Variants in GALNTL6 observed in about 807,000 individuals in gnomAD.
GALNTL6 encodes polypeptide N-acetylgalactosaminyltransferase like 6.
GALNTL6 carries 46 observed loss-of-function variants against 73.7 expected under a neutral mutation model. That is an observed-to-expected ratio of 0.62 (90% confidence interval 0.49 to 0.80). GALNTL6 has a LOEUF of 0.80. Among genes scored for constraint, GALNTL6 ranks in the 30% least tolerant of loss-of-function variants. The pLI is 0.00. For synonymous variants in GALNTL6, 259 were observed against 263.7 expected (o/e 0.98, Z 0.17); for missense variants, 604 against 755.0 (o/e 0.80, Z 2.34).
At chr4:172,087,801 T>A (rs1732093427) in intron 2 of GALNTL6, among the ~76,000 whole-genome samples, 1 of 151,888 alleles carries the variant, frequency 6.6e-6, no homozygotes, top group Non-Finnish European at 1.5e-5. Context: ...GCCAGTGAGT[T>A]TTTTTATCGT....
At chr4:173,020,324 T>C (rs28420300) in intron 11 of GALNTL6, among the ~76,000 whole-genome samples, 2,326 of 152,266 alleles carry the variant, frequency 0.015, 60 homozygotes, top group African/African-American at 0.049. Context: ...ATGGATATAA[T>C]AGAATGGTAT....
chr4:172,191,334 C>T (rs1162719034), intron 2 of GALNTL6, among the ~76,000 whole-genome samples: 1 of 152,178 alleles, frequency 6.6e-6, no homozygotes, highest in Non-Finnish European at 1.5e-5. Flanking sequence ...TTTATCATCA[C>T]CTTTCTGTTC....
intron 5 of GALNTL6, among the ~76,000 whole-genome samples, chr4:172,625,453 CT>C (rs1310791873): frequency 6.6e-6 from 1 of 151,926 alleles, no homozygotes; most frequent in Non-Finnish European, 1.5e-5. Context: ...TTCTACGTGT[CT>C]TTGCTATTGT....
intron 5 of GALNTL6, among the ~76,000 whole-genome samples, chr4:172,738,925 A>T (rs926177385): frequency 6.6e-6 from 1 of 152,200 alleles, no homozygotes; most frequent in Admixed American, 6.5e-5. Flanking sequence ...GTAGAAATAA[A>T]TGTCTGGGTT....
At chr4:172,804,867 C>T (rs1740862952) in intron 5 of GALNTL6, among the ~76,000 whole-genome samples, 1 of 152,152 alleles carries the variant, frequency 6.6e-6, no homozygotes, top group Non-Finnish European at 1.5e-5. Context: ...AGAGAAAATG[C>T]CCTTGAGTTT....
chr4:172,845,372 T>C (rs1326573836), intron 7 of GALNTL6, among the ~76,000 whole-genome samples: 1 of 152,088 alleles, frequency 6.6e-6, no homozygotes, highest in Non-Finnish European at 1.5e-5. Flanking sequence ...AACACAGCAT[T>C]TTGTGCACTA....
intron 5 of GALNTL6, among the ~76,000 whole-genome samples, chr4:172,684,479 A>G (rs1195086944): frequency 6.6e-6 from 1 of 152,246 alleles, no homozygotes; most frequent in African/African-American, 2.4e-5. Context: ...AATATTAAGC[A>G]ATAATACAAT....
chr4:172,309,687 ATAT>A (rs1740280110), intron 3 of GALNTL6, among the ~76,000 whole-genome samples: 2 of 152,088 alleles, frequency 1.3e-5, no homozygotes, highest in Admixed American at 6.6e-5. Flanking sequence ...GGAGGCAAAA[ATAT>A]TATTATTTGA....
At chr4:171,882,803 T>A (rs1264073332) in intron 2 of GALNTL6, among the ~76,000 whole-genome samples, 1 of 152,216 alleles carries the variant, frequency 6.6e-6, no homozygotes, top group African/African-American at 2.4e-5. Context: ...AACAATACTT[T>A]GCATCCTTTA....
chr4:172,702,381 G>A (rs968503362), intron 5 of GALNTL6, among the ~76,000 whole-genome samples: 7 of 151,410 alleles, frequency 4.6e-5, no homozygotes, highest in African/African-American at 9.7e-5. Flanking sequence ...CCTATTTTGC[G>A]CTATCTCTCC....
At chr4:172,600,674 T>C (rs1014744383) in intron 5 of GALNTL6, among the ~76,000 whole-genome samples, 4 of 152,024 alleles carry the variant, frequency 2.6e-5, no homozygotes, top group Non-Finnish European at 5.9e-5. Context: ...GACATTTGAG[T>C]TTCCTCAGCT....
intron 2 of GALNTL6, among the ~76,000 whole-genome samples, chr4:171,951,716 A>G (rs1377626733): frequency 6.6e-6 from 1 of 151,806 alleles, no homozygotes; most frequent in East Asian, 1.9e-4. Context: ...ATTAAGTAAG[A>G]AATCTGCGGA....
chr4:171,852,630 G>C (rs1176819025), intron 2 of GALNTL6, among the ~76,000 whole-genome samples: 1 of 151,914 alleles, frequency 6.6e-6, no homozygotes, highest in Admixed American at 6.6e-5. Context: ...TCAATTCTTT[G>C]TACGATAGCT....
intron 2 of GALNTL6, among the ~76,000 whole-genome samples, chr4:171,832,311 ATC>A (rs1734996454): frequency 6.6e-6 from 1 of 151,236 alleles, no homozygotes; most frequent in Non-Finnish European, 1.5e-5. Flanking sequence ...TTTTTTTTGT[ATC>A]TCAAACTTTA....
At chr4:173,024,263 T>A (rs1579796962) in intron 12 of GALNTL6, among the ~76,000 whole-genome samples, 1 of 152,252 alleles carries the variant, frequency 6.6e-6, no homozygotes, top group East Asian at 1.9e-4. Flanking sequence ...GCTGTGGCTC[T>A]CTTCTCAGCT....
At chr4:171,940,870 A>T (rs1314203449) in intron 2 of GALNTL6, among the ~76,000 whole-genome samples, 3 of 145,458 alleles carry the variant, frequency 2.1e-5, no homozygotes, top group Non-Finnish European at 3.1e-5. Context: ...TAAATATATA[A>T]GTCATGTATG....
At chr4:172,943,957 T>G (rs1442436603) in intron 9 of GALNTL6, among the ~76,000 whole-genome samples, 1 of 152,174 alleles carries the variant, frequency 6.6e-6, no homozygotes, top group South Asian at 2.1e-4. Flanking sequence ...TAAATAAACA[T>G]CAATCTGTAT....
rs1049159148 is a variant in GALNTL6, at chr4:172,093,238, G to A, written c.139-136418G>A. On this transcript the variant is annotated intron_variant, in intron 2 of 12. Coordinates refer to ENST00000506823, the MANE Select transcript of GALNTL6 (RefSeq NM_001034845.3). ...ATCTCAGTCAACTTTGACTACACACGATAAGATTTTCATCAACCTTTTATA... is the reference window on the plus strand; with the variant it reads ...ATCTCAGTCAACTTTGACTACACACAATAAGATTTTCATCAACCTTTTATA... Among the ~76,000 whole-genome samples, 7 of 152,048 alleles carry A rather than the reference G, an allele frequency of 4.6e-5. 1 individual carries two copies. The highest frequency in any genetic ancestry group is 6.6e-5 in the Admixed American group (1 of 15,258).
intron 2 of GALNTL6, among the ~76,000 whole-genome samples, chr4:172,156,567 A>AG (rs1560945819): frequency 1.7e-4 from 16 of 95,216 alleles, no homozygotes; most frequent in African/African-American, 7.4e-4. Flanking sequence ...ATATATATAT[A>AG]CATACTATAT....
Sources: gnomAD v4.1 joint callset for allele counts (sites outside exome capture counted in the v4.1 genomes callset) on GRCh38, gnomAD v4.1.1 for gene constraint, MANE v1.5 for transcripts, NCBI Gene and HGNC (gene_info 2026-07-23, HGNC 2026-07-21) for gene names.